RPS6KC1: variants seen among roughly 807,000 people sequenced by gnomAD.
The protein encoded by RPS6KC1 is ribosomal protein S6 kinase C1, also known as inactive ribosomal protein S6 kinase delta-1.
A neutral mutation model predicts 103.8 loss-of-function variants in RPS6KC1; 54 were observed. That is an observed-to-expected ratio of 0.52 (90% confidence interval 0.42 to 0.65). The LOEUF is 0.65. Among genes scored for constraint, RPS6KC1 ranks in the 30% least tolerant of loss-of-function variants. The pLI is 0.00. For missense variants in RPS6KC1, 1,151 were observed against 1,253.8 expected (o/e 0.92, Z 1.24); for synonymous variants, 439 against 438.7 (o/e 1.00, Z -0.01).
At chr1:213,488,421 A>G in the RPS6KC1 span, among the ~76,000 whole-genome samples, 1 of 152,096 alleles carries the variant, frequency 6.6e-6, no homozygotes, top group Non-Finnish European at 1.5e-5. Flanking sequence ...CAGATATCCA[A>G]CCCTTCTCCT....
chr1:213,659,924 A>G, the RPS6KC1 span, among the ~76,000 whole-genome samples: 1 of 152,208 alleles, frequency 6.6e-6, no homozygotes, highest in Non-Finnish European at 1.5e-5. Flanking sequence ...ATCCATAATT[A>G]AGCATTGAAC....
chr1:213,800,363 C>A, the RPS6KC1 span, among the ~76,000 whole-genome samples: 1 of 152,058 alleles, frequency 6.6e-6, no homozygotes, highest in Non-Finnish European at 1.5e-5. Flanking sequence ...CTTCCTAAGA[C>A]GATGCTCCCT....
the RPS6KC1 span, among the ~76,000 whole-genome samples, chr1:213,824,357 C>T: frequency 6.6e-6 from 1 of 152,220 alleles, no homozygotes; most frequent in South Asian, 2.1e-4. Context: ...TCCTCTCCCT[C>T]ATCCTCCCTT....
chr1:213,592,938 G>A, the RPS6KC1 span, among the ~76,000 whole-genome samples: 3 of 152,192 alleles, frequency 2.0e-5, no homozygotes, highest in Non-Finnish European at 2.9e-5. Flanking sequence ...GAAACAAGGA[G>A]CTGTGACAGA....
intron 4 of RPS6KC1, among the ~76,000 whole-genome samples, chr1:213,106,358 A>G (rs935735986): frequency 1.3e-5 from 2 of 152,222 alleles, no homozygotes; most frequent in Non-Finnish European, 2.9e-5. Context: ...GAGCTCAGTA[A>G]TGTCATCAGT....
At chr1:213,265,307 T>C (rs547675084) in intron 14 of RPS6KC1, among the ~76,000 whole-genome samples, 1 of 152,306 alleles carries the variant, frequency 6.6e-6, no homozygotes, top group East Asian at 1.9e-4. Flanking sequence ...TGCAGATATA[T>C]AGAGGAGTTC....
At chr1:213,714,437 A>G in the RPS6KC1 span, among the ~76,000 whole-genome samples, 3 of 152,186 alleles carry the variant, frequency 2.0e-5, no homozygotes, top group Non-Finnish European at 4.4e-5. Flanking sequence ...CTCAATGTCT[A>G]TTTATCCTTG....
At chr1:213,697,565 C>G in the RPS6KC1 span, among the ~76,000 whole-genome samples, 1 of 152,226 alleles carries the variant, frequency 6.6e-6, no homozygotes, top group Non-Finnish European at 1.5e-5. Flanking sequence ...TCTCCAGCTA[C>G]TTGAGAAGTC....
chr1:213,178,186 A>AAAATAAAT lies in RPS6KC1; in HGVS notation c.1044+1732_1044+1739dup, dbSNP rs35813252. 7.9e-3 allele frequency among the ~76,000 whole-genome samples: 1,013 copies of AAAATAAAT among 128,296 alleles called. 10 individuals carry two copies. Among genetic ancestry groups the AAAATAAAT allele is most frequent in the Middle Eastern group, 0.034 (9 of 266 alleles). 84.2% of individuals were successfully genotyped at this position (128,296 alleles called of 152,430 possible). Reference sequence around the variant, plus strand: ...GGGTGACAGAGTGAGACTCTGTCTCAAAATAAATAAATAAATAAATAAATA... The same window carrying AAAATAAAT: ...GGGTGACAGAGTGAGACTCTGTCTCAAAATAAATAAATAAATAAATAAATAAATAAATA... On this transcript the variant is annotated intron_variant, in intron 8 of 14. Coordinates refer to ENST00000366960, the MANE Select transcript of RPS6KC1 (RefSeq NM_012424.6).
chr1:213,662,236 A>T, the RPS6KC1 span, among the ~76,000 whole-genome samples: 1 of 140,396 alleles, frequency 7.1e-6, no homozygotes, highest in Admixed American at 7.1e-5. Flanking sequence ...AAAAAAAAAA[A>T]ATTAGCAATA....
the RPS6KC1 span, among the ~76,000 whole-genome samples, chr1:213,621,982 G>A: frequency 0.011 from 1,653 of 152,224 alleles, 24 homozygotes; most frequent in African/African-American, 0.038. Flanking sequence ...AGCCCTGTAT[G>A]CCCCTTCCTC....
At chr1:213,128,274 C>T (rs559697267) in intron 5 of RPS6KC1, among the ~76,000 whole-genome samples, 1 of 152,278 alleles carries the variant, frequency 6.6e-6, no homozygotes, top group South Asian at 2.1e-4. Flanking sequence ...AACAATGCCA[C>T]TTCTTTCACT....
At chr1:213,259,863 T>G (rs1406270237) in intron 12 of RPS6KC1, among the ~76,000 whole-genome samples, 2 of 148,502 alleles carry the variant, frequency 1.3e-5, no homozygotes, top group African/African-American at 4.9e-5. Flanking sequence ...CTCAGCCTCC[T>G]GAGTAGCTGG....
At chr1:213,717,826 G>A in the RPS6KC1 span, among the ~76,000 whole-genome samples, 1 of 152,222 alleles carries the variant, frequency 6.6e-6, no homozygotes, top group Non-Finnish European at 1.5e-5. Context: ...AACAAACAGA[G>A]TTTGTAGACC....
the RPS6KC1 span, among the ~76,000 whole-genome samples, chr1:213,604,220 T>G: frequency 6.6e-6 from 1 of 152,240 alleles, no homozygotes; most frequent in African/African-American, 2.4e-5. Context: ...TTTCTAACTA[T>G]CTACACCAAA....
At chr1:213,689,546 G>A in the RPS6KC1 span, among the ~76,000 whole-genome samples, 2 of 152,326 alleles carry the variant, frequency 1.3e-5, no homozygotes, top group Non-Finnish European at 2.9e-5. Context: ...ACTGGGCCAC[G>A]TGACAGTCAA....
At chr1:213,772,389 A>G in the RPS6KC1 span, among the ~76,000 whole-genome samples, 1 of 152,226 alleles carries the variant, frequency 6.6e-6, no homozygotes, top group Non-Finnish European at 1.5e-5. Flanking sequence ...CAATGTCGCA[A>G]GACTTCCACT....
At chr1:213,764,197 C>A in the RPS6KC1 span, among the ~76,000 whole-genome samples, 1 of 152,186 alleles carries the variant, frequency 6.6e-6, no homozygotes, top group Non-Finnish European at 1.5e-5. Flanking sequence ...GACGGAAACA[C>A]GCAGAGAGAG....
At chr1:213,722,054 A>G in the RPS6KC1 span, among the ~76,000 whole-genome samples, 9 of 152,138 alleles carry the variant, frequency 5.9e-5, no homozygotes, top group Non-Finnish European at 1.2e-4. Flanking sequence ...AAGAGGTCAG[A>G]TCTTGAGGGC....
Sources: gnomAD v4.1 joint callset for allele counts (sites outside exome capture counted in the v4.1 genomes callset) on GRCh38, gnomAD v4.1.1 for gene constraint, MANE v1.5 for transcripts, NCBI Gene and HGNC (gene_info 2026-07-23, HGNC 2026-07-21) for gene names.